IGF1R: variants seen among roughly 807,000 people sequenced by gnomAD.
IGF1R encodes insulin like growth factor 1 receptor.
In IGF1R, 44 loss-of-function variants were observed where a neutral mutation model predicts 144.6. That is an observed-to-expected ratio of 0.30 (90% CI 0.24 to 0.39). The LOEUF (loss-of-function observed/expected upper bound fraction) is 0.39, where lower values mean the gene tolerates loss of function less well. Ranked by LOEUF, IGF1R falls within the 10% of genes least tolerant of loss-of-function variation. The pLI is 1.00. For synonymous variants in IGF1R, 795 were observed against 722.8 expected (o/e 1.10, Z -1.60); for missense variants, 1,355 against 1,833.7 (o/e 0.74, Z 4.77).
intron 2 of IGF1R, among the ~76,000 whole-genome samples, chr15:98,765,307 C>CT (rs2055408113): frequency 2.6e-5 from 3 of 116,090 alleles, no homozygotes; most frequent in Non-Finnish European, 3.5e-5. Context: ...CATGCCAACA[C>CT]CTTTTTTTTT....
chr15:98,843,828 C>T (rs2011222422), intron 2 of IGF1R, among the ~76,000 whole-genome samples: 1 of 152,182 alleles, frequency 6.6e-6, no homozygotes, highest in African/African-American at 2.4e-5. Flanking sequence ...GAAGCTGCAT[C>T]TATATATGCA....
intron 15 of IGF1R, among the ~76,000 whole-genome samples, chr15:98,934,163 C>T (rs1312992876): frequency 2.0e-5 from 3 of 146,424 alleles, no homozygotes; most frequent in Non-Finnish European, 3.0e-5. Flanking sequence ...GTGCATGTCT[C>T]AAATTGGACT....
rs150429274 is a variant in IGF1R, at chr15:98,704,263, G to T, written c.95-3299G>T. Reference sequence around the variant, plus strand: ...AAATGAGAGGTAGGGGAGGGAGGGAGGAGTTGGGGGACAGTTGGGGGAATA... The same window carrying T: ...AAATGAGAGGTAGGGGAGGGAGGGATGAGTTGGGGGACAGTTGGGGGAATA... On this transcript the variant is annotated intron_variant, in intron 1 of 20. Coordinates refer to ENST00000650285, the MANE Select transcript of IGF1R (RefSeq NM_000875.5). The surrounding 1 kb of genome is among the most constrained non-coding windows in gnomAD (Gnocchi z 4.9). Among the ~76,000 whole-genome samples the T allele has an allele frequency of 9.5e-3, 1,454 of 152,294 alleles. 10 individuals are homozygous for T. Among genetic ancestry groups the T allele is most frequent in the Non-Finnish European group, 0.017 (1,165 of 68,022 alleles).
chr15:98,693,958 C>A (rs1476301726), intron 1 of IGF1R, among the ~76,000 whole-genome samples: 2 of 152,214 alleles, frequency 1.3e-5, no homozygotes, highest in African/African-American at 4.8e-5. Flanking sequence ...TTCTTCAAGG[C>A]TGTACTTGTG....
chr15:98,836,840 G>A (rs1349650510), intron 2 of IGF1R, among the ~76,000 whole-genome samples: 2 of 152,130 alleles, frequency 1.3e-5, no homozygotes, highest in African/African-American at 2.4e-5. Flanking sequence ...TGGTTCTAAT[G>A]TTTCTCATCA....
intron 1 of IGF1R, among the ~76,000 whole-genome samples, chr15:98,691,987 T>C (rs2053487960): frequency 1.3e-5 from 2 of 152,086 alleles, no homozygotes; most frequent in Admixed American, 6.5e-5. Context: ...CACTCAAGCT[T>C]GGTGTTATTA....
In IGF1R at chr15:98,948,953, CTG is replaced by C. The variant is rs112755430; in HGVS notation, c.3722+247_3722+248del. ...CTTTCGTTCCGATTTGCAGTTCACACTGTAGTTTCTCAGGCCAAATGTCTCTG... is the reference window on the plus strand; with the variant it reads ...CTTTCGTTCCGATTTGCAGTTCACACTAGTTTCTCAGGCCAAATGTCTCTG... On this transcript the variant is annotated intron_variant, in intron 20 of 20. Transcript: ENST00000650285. Among the ~76,000 whole-genome samples the C allele has an allele frequency of 1.6e-4, 25 of 152,358 alleles. 1 individual carries two copies. The highest frequency in any genetic ancestry group is 5.1e-4 in the African/African-American group (21 of 41,580).
At chr15:98,751,400 G>A (rs1385072022) in intron 2 of IGF1R, among the ~76,000 whole-genome samples, 1 of 152,024 alleles carries the variant, frequency 6.6e-6, no homozygotes, top group African/African-American at 2.4e-5. Flanking sequence ...TAGAAGTGAT[G>A]CCTCGCCATG....
intron 2 of IGF1R, among the ~76,000 whole-genome samples, chr15:98,754,828 A>C (rs1442456439): frequency 6.6e-6 from 1 of 152,328 alleles, no homozygotes; most frequent in East Asian, 1.9e-4. Context: ...AGGCTCCTAG[A>C]GACTAAAGAA....
intron 2 of IGF1R, among the ~76,000 whole-genome samples, chr15:98,772,542 G>A (rs1036597381): frequency 3.4e-5 from 5 of 145,342 alleles, no homozygotes; most frequent in African/African-American, 1.2e-4. Context: ...TGTTGGCCAG[G>A]CTGGAGCACA....
At position 98,934,815 on chromosome 15, in the gene IGF1R, C is replaced by T. The variant is rs955788224; in HGVS notation, c.2957-9C>T. The T allele has an allele frequency of 1.9e-5, 30 of 1,612,388 alleles. No individual in the cohort carries two copies. The highest frequency in any genetic ancestry group is 2.5e-5 in the Non-Finnish European group (30 of 1,178,440). On this transcript the variant is annotated splice_polypyrimidine_tract_variant and intron_variant, in intron 15 of 20. Coordinates refer to ENST00000650285, the MANE Select transcript of IGF1R (RefSeq NM_000875.5). ...TCTGTACCTGCTTTAATTACGGTTT[C>T]TTCTCCAGTGTACGTTCCTGATGAG...
chr15:98,760,313 T>A (rs778848675), intron 2 of IGF1R, among the ~76,000 whole-genome samples: 14 of 151,760 alleles, frequency 9.2e-5, no homozygotes, highest in Non-Finnish European at 4.4e-5. Flanking sequence ...GACTGTGTCA[T>A]TGCACTCCAG....
chr15:98,735,732 G>T (rs1250565592), intron 2 of IGF1R, among the ~76,000 whole-genome samples: 3 of 152,238 alleles, frequency 2.0e-5, no homozygotes, highest in Non-Finnish European at 4.4e-5. Flanking sequence ...GATCGCATTG[G>T]AGCTACTTCA....
chr15:98,768,790 C>T (rs769868904), intron 2 of IGF1R, among the ~76,000 whole-genome samples: 12 of 118,310 alleles, frequency 1.0e-4, no homozygotes, highest in African/African-American at 3.0e-4. Flanking sequence ...AAGCCGGGCG[C>T]GGTGCCGGGC....
Position 98,924,508 on chromosome 15 carries a change from A to G in IGF1R, c.2623-17A>G, listed in dbSNP as rs563342673. The G allele has an allele frequency of 3.7e-6, 6 of 1,613,528 alleles. No individual in the cohort carries two copies. In the African/African-American group the frequency reaches 8.0e-5, roughly 22 times the overall value. On this transcript the variant is annotated splice_polypyrimidine_tract_variant and intron_variant, in intron 12 of 20. Transcript: ENST00000650285. Reference sequence around the variant, plus strand: ...CTGCATTCATGGGAAATTGACATGTATGTTTTATTTCCCCAGGATCAGCGA... The same window carrying G: ...CTGCATTCATGGGAAATTGACATGTGTGTTTTATTTCCCCAGGATCAGCGA...
intron 2 of IGF1R, among the ~76,000 whole-genome samples, chr15:98,877,514 C>CT (rs1302818453): frequency 1.2e-5 from 1 of 82,256 alleles, no homozygotes; most frequent in African/African-American, 6.6e-5. Flanking sequence ...TTTTTTTTTT[C>CT]CCCAAAAAAT....
intron 1 of IGF1R, among the ~76,000 whole-genome samples, chr15:98,703,706 G>T (rs906012304): frequency 6.6e-6 from 1 of 152,192 alleles, no homozygotes; most frequent in Non-Finnish European, 1.5e-5. Flanking sequence ...CTGTTAACTA[G>T]TGGTCAACAC....
At chr15:98,816,627 T>C (rs963644760) in intron 2 of IGF1R, among the ~76,000 whole-genome samples, 1 of 152,218 alleles carries the variant, frequency 6.6e-6, no homozygotes, top group Non-Finnish European at 1.5e-5. Context: ...TAATAAACAC[T>C]GGGGACTTCC....
intron 2 of IGF1R, among the ~76,000 whole-genome samples, chr15:98,734,419 C>G (rs1035822514): frequency 8.6e-5 from 13 of 151,786 alleles, no homozygotes; most frequent in African/African-American, 2.9e-4. Context: ...TGAAAACATA[C>G]GGAGAGAAAA....
Sources: gnomAD v4.1 joint callset for allele counts (sites outside exome capture counted in the v4.1 genomes callset) on GRCh38, gnomAD v4.1.1 for gene constraint, Gnocchi (gnomAD v3.1) non-coding constraint, MANE v1.5 for transcripts, NCBI Gene and HGNC (gene_info 2026-07-23, HGNC 2026-07-21) for gene names.